Variants in NRAP observed in about 807,000 individuals in gnomAD.
NRAP encodes nebulin-related-anchoring protein.
NRAP carries 189 observed loss-of-function variants against 225.9 expected under a neutral mutation model. The observed-to-expected ratio is 0.84, with a 90% confidence interval of 0.74 to 0.94. The LOEUF (loss-of-function observed/expected upper bound fraction) is 0.94, where lower values mean the gene tolerates loss of function less well. Ranked by LOEUF, NRAP falls within the 40% of genes least tolerant of loss-of-function variation. NRAP has a pLI of 0.00. For synonymous variants in NRAP, 769 were observed against 790.7 expected, an observed-to-expected ratio of 0.97 and a Z score of 0.46; for missense variants, 2,176 against 2,168.7, an observed-to-expected ratio of 1.00 and a Z score of -0.07.
chr10:113,608,708 T>G (rs549079301), intron 31 of NRAP, among the ~76,000 whole-genome samples, 196 bp from the exon 32 acceptor site: 1 of 152,240 alleles, frequency 6.6e-6, no homozygotes, highest in South Asian at 2.1e-4. Flanking sequence ...GAGGATAGGA[T>G]GGACTGAATC....
chr10:113,610,139 C>T (rs777044362), intron 31 of NRAP, among the ~76,000 whole-genome samples: 1 of 152,062 alleles, frequency 6.6e-6, no homozygotes, highest in Non-Finnish European at 1.5e-5. Context: ...CACTTGAGGT[C>T]AGGAGTTCGA....
intron 38 of NRAP, among the ~76,000 whole-genome samples, chr10:113,593,475 G>A (rs780308752): frequency 1.3e-5 from 2 of 152,086 alleles, no homozygotes; most frequent in African/African-American, 4.8e-5. Flanking sequence ...CTCCATCCTC[G>A]CCTCTGACTC....
At chr10:113,650,176 G>T (rs1592860099) in intron 8 of NRAP, 35 bp from the exon 9 acceptor site, 1 of 1,347,002 alleles carries the variant, frequency 7.4e-7, no homozygotes, top group East Asian at 2.3e-5. Flanking sequence ...CGGTGAATTT[G>T]ACTCCCATGC....
intron 28 of NRAP, 43 bp downstream of exon 28, chr10:113,614,796 G>C: frequency 8.5e-7 from 1 of 1,178,176 alleles, no homozygotes; most frequent in Admixed American, 1.7e-5. Flanking sequence ...GTGAAAACGG[G>C]TTAGTGTTGA....
At chr10:113,622,709 T>A (rs553584868) in intron 23 of NRAP, among the ~76,000 whole-genome samples, 9 of 152,330 alleles carry the variant, frequency 5.9e-5, no homozygotes, top group African/African-American at 2.2e-4. Flanking sequence ...CTCTCAGCTC[T>A]GACAACAACA....
At position 113,640,227 on chromosome 10, in the gene NRAP, A is replaced by G. The variant is rs771509415; in HGVS notation, c.1428T>C (p.Asp476=). The change falls in exon 14 of 42, where the codon GAT becomes GAC. Residue 476 remains aspartate (D), a splice_region_variant and synonymous_variant. Coordinates refer to ENST00000359988, the MANE Select transcript of NRAP (RefSeq NM_198060.4). ...QTAMKLVPLK[D]ANYRQSIDKL... is the part of the protein sequence containing the mutation. ...AAAGAGCTGTTGGAAAAGAACTTAC[A>G]TCTTTCAAGGGCACCAGTTTCATAG... The G allele has an allele frequency of 1.9e-6, 3 of 1,574,744 alleles. No homozygotes were observed. Among genetic ancestry groups the G allele is most frequent in the East Asian group, 2.3e-5 (1 of 43,904 alleles).
chr10:113,598,001 T>TCTCC lies in NRAP; in HGVS notation c.4296_4299dup (p.Ser1434GlyfsTer17). ...ATGAGTTCTCCAGCCTTCTTTGCAC[T>TCTCC]CTCCATCTGTGGGGATCTCAGCGCC... On this transcript the variant is annotated frameshift_variant, in exon 36 of 42. Coordinates refer to ENST00000359988, the MANE Select transcript of NRAP (RefSeq NM_198060.4). LOFTEE classifies it high-confidence loss of function. 6.2e-7 allele frequency: 1 copy of TCTCC among 1,613,768 alleles called. No homozygotes were observed. Among genetic ancestry groups the TCTCC allele is most frequent in the Non-Finnish European group, 8.5e-7 (1 of 1,179,848 alleles).
chr10:113,595,781 AG>A, intron 37 of NRAP, 54 bp from the exon 38 acceptor site: 1 of 1,225,668 alleles, frequency 8.2e-7, no homozygotes, highest in Non-Finnish European at 1.2e-6. Flanking sequence ...CTGAAACCAC[AG>A]GGGAATAGCA....
At position 113,588,776 on chromosome 10, in the gene NRAP, T is replaced by C. The variant is rs1444281352; in HGVS notation, c.*199A>G. 3.4e-6 allele frequency: 2 copies of C among 584,670 alleles called. No homozygotes were observed. Among genetic ancestry groups the C allele is most frequent in the Admixed American group, 6.3e-5 (2 of 31,876 alleles). The allele number at this position is 584,670 out of a possible 1,614,324, so 36.2% of individuals were successfully genotyped here. ...CAGACACTCGAGGCACTCAACAGAA[T>C]CAGCCATCCACGTCTAGGTATCAGA... On this transcript the variant is annotated 3_prime_UTR_variant, in exon 42 of 42. Coordinates refer to ENST00000359988, the MANE Select transcript of NRAP (RefSeq NM_198060.4).
chr10:113,593,552 C>T (rs79993402), intron 38 of NRAP, among the ~76,000 whole-genome samples: 2,422 of 152,296 alleles, frequency 0.016, 77 homozygotes, highest in South Asian at 0.14. Flanking sequence ...AATGCAGAAC[C>T]GTTCGTTCCT....
At position 113,631,512 on chromosome 10, in the gene NRAP, A is replaced by G. The variant is rs896452260; in HGVS notation, c.1839T>C (p.Ser613=). Residue 613 remains serine (S), a synonymous_variant, in exon 18 of 42, where the codon AGT becomes AGC. Coordinates refer to ENST00000359988, the MANE Select transcript of NRAP (RefSeq NM_198060.4). The stretch of plus-strand genomic sequence containing the variant: ...TGGGGGTTAGAAAAGAGTTTACCTC[A>G]CTGCTCATCTTAGCAATCTGCAGGG... ...LHSLQIAKMS[S]EVEYKKGFEE... is the part of the protein sequence containing the mutation. The G allele has an allele frequency of 3.8e-6, 6 of 1,592,286 alleles. No individual in the cohort carries two copies. In the African/African-American group the frequency reaches 6.8e-5, roughly 18 times the overall value.
intron 4 of NRAP, among the ~76,000 whole-genome samples, chr10:113,655,272 A>C (rs748934268): frequency 6.6e-6 from 1 of 152,196 alleles, no homozygotes; most frequent in Non-Finnish European, 1.5e-5. Context: ...CCTCCATTAA[A>C]ATTTAAAAGG....
intron 40 of NRAP, among the ~76,000 whole-genome samples, chr10:113,590,117 G>A (rs1245465260): frequency 6.6e-6 from 1 of 152,112 alleles, no homozygotes; most frequent in Non-Finnish European, 1.5e-5. Context: ...TCCCTTCTCT[G>A]GGCTTCAGTT....
chr10:113,653,830 G>A (rs945716368), intron 5 of NRAP, among the ~76,000 whole-genome samples, 191 bp downstream of exon 5: 23 of 152,072 alleles, frequency 1.5e-4, no homozygotes, highest in African/African-American at 5.3e-4. Flanking sequence ...ACATGGATTT[G>A]GCCTCTGCTT....
chr10:113,644,859 C>A (rs1304728054), intron 11 of NRAP, among the ~76,000 whole-genome samples: 1 of 152,142 alleles, frequency 6.6e-6, no homozygotes, highest in Non-Finnish European at 1.5e-5. Flanking sequence ...CTTTGAATTG[C>A]CATAATTGTT....
intron 22 of NRAP, among the ~76,000 whole-genome samples, chr10:113,623,961 T>C (rs1848144408): frequency 6.6e-6 from 1 of 152,184 alleles, no homozygotes; most frequent in Non-Finnish European, 1.5e-5. Context: ...CTGAAAAGTC[T>C]ATTCTCCATC....
intron 29 of NRAP, among the ~76,000 whole-genome samples, 190 bp from the exon 30 acceptor site, chr10:113,612,621 C>A (rs1847401392): frequency 6.6e-6 from 1 of 152,152 alleles, no homozygotes; most frequent in African/African-American, 2.4e-5. Flanking sequence ...ACACTTACCA[C>A]CCCCAGCTCC....
intron 9 of NRAP, among the ~76,000 whole-genome samples, chr10:113,648,437 TTCTCTCTCTC>T (rs376144953): frequency 1.5e-5 from 1 of 66,048 alleles, no homozygotes; most frequent in African/African-American, 5.0e-5. Flanking sequence ...TTATTTTAGT[TTCTCTCTCTC>T]TCTCTCTCTC....
chr10:113,652,790 T>A (rs1850059158), intron 6 of NRAP, 145 bp downstream of exon 6: 2 of 634,766 alleles, frequency 3.2e-6, no homozygotes, highest in Admixed American at 3.0e-5. Flanking sequence ...CGGGGAAAAG[T>A]AAGAACACAG....
Sources: gnomAD v4.1 joint callset for allele counts (sites outside exome capture counted in the v4.1 genomes callset) on GRCh38, gnomAD v4.1.1 for gene constraint, MANE v1.5 for transcripts, NCBI Gene and HGNC (gene_info 2026-07-23, HGNC 2026-07-21) for gene names.